Variants in CD101 observed in about 807,000 individuals in gnomAD.
CD101 encodes immunoglobulin superfamily member 2.
Under a neutral mutation model 98.2 loss-of-function variants are expected in CD101, and 76 were observed. The observed-to-expected ratio is 0.77, with a 90% confidence interval of 0.64 to 0.94. The LOEUF (loss-of-function observed/expected upper bound fraction) is 0.94, where lower values mean the gene tolerates loss of function less well. CD101 is among the 40% of genes least tolerant of loss of function. The pLI is 0.00. For synonymous variants in CD101, 471 were observed against 472.7 expected (o/e 1.00, Z 0.05); for missense variants, 1,145 against 1,218.8 (o/e 0.94, Z 0.90).
In CD101 at chr1:117,023,571, C is replaced by T. The variant is rs558735872; in HGVS notation, c.2428+1588C>T. On this transcript the variant is annotated intron_variant, in intron 7 of 9. Coordinates refer to ENST00000682167, the MANE Select transcript of CD101 (RefSeq NM_001256106.3). The surrounding 1 kb of genome is among the most constrained non-coding windows in gnomAD (Gnocchi z 4.4). ...AGCTGGGACTACAGGTGTGTGCCAC[C>T]ATGCCTGGCTAATTTTTGTAATTTT... Among the ~76,000 whole-genome samples, 13 of 152,154 alleles carry T rather than the reference C, an allele frequency of 8.5e-5. No homozygotes were observed. The highest frequency in any genetic ancestry group is 2.9e-4 in the African/African-American group (12 of 41,494).
At position 117,021,032 on chromosome 1, in the gene CD101, A is replaced by C. The variant is rs1653552343; in HGVS notation, c.2018-541A>C. Among the ~76,000 whole-genome samples the C allele has an allele frequency of 1.3e-5, 2 of 152,214 alleles. No homozygotes were observed. The highest frequency in any genetic ancestry group is 4.8e-5 in the African/African-American group (2 of 41,452). On this transcript the variant is annotated intron_variant, in intron 6 of 9. Coordinates refer to ENST00000682167, the MANE Select transcript of CD101 (RefSeq NM_001256106.3). The surrounding 1 kb of genome is among the most constrained non-coding windows in gnomAD (Gnocchi z 4.7). ...TGACTGCAAAGACACACACAGTTTT[A>C]ATCACTCATGTACAACTTCCTTTTG...
chr1:117,013,293 C>A, intron 3 of CD101, 113 bp from the exon 4 acceptor site: 1 of 1,286,912 alleles, frequency 7.8e-7, no homozygotes. Context: ...AATTGAACTC[C>A]CACATAAAAT....
rs927263915 is a variant in CD101, at chr1:117,019,521, A to G, written c.2017+961A>G. Among the ~76,000 whole-genome samples, 1 of 152,174 alleles carries G rather than the reference A, an allele frequency of 6.6e-6. No homozygotes were observed. Among genetic ancestry groups the G allele is most frequent in the Non-Finnish European group, 1.5e-5 (1 of 68,026 alleles). ...CTTCTTTTTTCCTTGGCACCATGAC[A>G]CAAGATTTTCATTTTCTCCTCCACT... is the stretch of plus-strand genomic sequence containing the variant. On this transcript the variant is annotated intron_variant, in intron 6 of 9. Transcript: ENST00000682167. This position sits in a 1 kb window ranked among gnomAD's most constrained non-coding sequence, Gnocchi z 4.3.
intron 6 of CD101, among the ~76,000 whole-genome samples, chr1:117,020,280 C>T (rs528503737): frequency 7.9e-5 from 12 of 152,138 alleles, no homozygotes; most frequent in Non-Finnish European, 1.2e-4. Context: ...TGTGGTGGCT[C>T]ACACCTGTAA....
intron 4 of CD101, among the ~76,000 whole-genome samples, 196 bp from the exon 5 acceptor site, chr1:117,016,894 C>T (rs1653252120): frequency 6.6e-6 from 1 of 152,138 alleles, no homozygotes. Flanking sequence ...ATACATCCTC[C>T]GATATTCTTT....
chr1:117,001,996 A>G, intron 1 of CD101, 136 bp downstream of exon 1: 1 of 808,270 alleles, frequency 1.2e-6, no homozygotes, highest in Non-Finnish European at 2.0e-6. Flanking sequence ...ATAATTTTTG[A>G]CTTACTAATG....
rs1349353756 is a variant in CD101 at position 117,033,730 on chromosome 1, GC to G, written c.2825-127del. On this transcript the variant is annotated intron_variant, in intron 8 of 9. Coordinates refer to ENST00000682167, the MANE Select transcript of CD101 (RefSeq NM_001256106.3). This position sits in a 1 kb window ranked among gnomAD's most constrained non-coding sequence, Gnocchi z 4.8. The stretch of plus-strand genomic sequence containing the variant: ...TCCTGTGCTCCTCATGATTTCAGGG[GC>G]CCACTGCTATTTGGCCCCATTATTT... 1.2e-5 allele frequency: 14 copies of G among 1,185,224 alleles called. No homozygotes were observed. Among genetic ancestry groups the G allele is most frequent in the Non-Finnish European group, 1.7e-5 (14 of 843,216 alleles). 73.4% of individuals were successfully genotyped at this position (1,185,224 alleles called of 1,614,324 possible).
chr1:117,034,802 T>C (rs139167491), intron 9 of CD101, among the ~76,000 whole-genome samples: 276 of 152,286 alleles, frequency 1.8e-3, no homozygotes, highest in African/African-American at 6.4e-3. Flanking sequence ...AAAAACTTTG[T>C]AAAAACTCAT....
rs1654632020 is a variant in CD101 at position 117,033,937 on chromosome 1, C to T, written c.2902C>T (p.Leu968Phe). Residue 968 changes from leucine to phenylalanine, a missense_variant, in exon 9 of 10, where the codon CTC becomes TTC. By Grantham distance (22) the Leu-to-Phe change is conservative. Coordinates refer to ENST00000682167, the MANE Select transcript of CD101 (RefSeq NM_001256106.3). The surrounding 1 kb of genome is among the most constrained non-coding windows in gnomAD (Gnocchi z 4.8). ...FLFICPFVLL[L>F]LLLISLLCLY... ...GTTCATCTGTCCCTTCGTCCTGCTC[C>T]TCCTTCTGCTCATCTCCCTCCTCTG... The T allele has an allele frequency of 6.2e-6, 10 of 1,614,200 alleles. No homozygotes were observed. The highest frequency in any genetic ancestry group is 8.5e-6 in the Non-Finnish European group (10 of 1,180,036).
In CD101 at chr1:117,021,991, T is replaced by C; in HGVS notation, c.2428+8T>C. On this transcript the variant is annotated splice_region_variant and intron_variant, in intron 7 of 9. Transcript: ENST00000682167. This position sits in a 1 kb window ranked among gnomAD's most constrained non-coding sequence, Gnocchi z 4.7. The stretch of plus-strand genomic sequence containing the variant: ...TGAAACTCAAGCCCACAGGTAAACC[T>C]TGCGAGTGTATCCTCACAATGTCTG... The C allele has an allele frequency of 6.3e-7, 1 of 1,593,988 alleles. No individual in the cohort carries two copies. The highest frequency in any genetic ancestry group is 8.5e-7 in the Non-Finnish European group (1 of 1,170,746).
At chr1:117,003,688 G>T (rs964882022) in intron 1 of CD101, among the ~76,000 whole-genome samples, 1 of 152,298 alleles carries the variant, frequency 6.6e-6, no homozygotes, top group Middle Eastern at 3.4e-3. Flanking sequence ...GGGAAGGAAA[G>T]TAGTAATCAA....
In CD101 at chr1:117,035,716, AT is replaced by A. The variant is rs1343292004; in HGVS notation, c.*34-443del. On this transcript the variant is annotated intron_variant, in intron 9 of 9. Coordinates refer to ENST00000682167, the MANE Select transcript of CD101 (RefSeq NM_001256106.3). ...AGGCACCCGCCACCATGCCTGGCTAATTTTTTTTTGTATTTTTAGTAGAGAC... is the reference window on the plus strand; with the variant it reads ...AGGCACCCGCCACCATGCCTGGCTAATTTTTTTTGTATTTTTAGTAGAGAC... Among the ~76,000 whole-genome samples the A allele has an allele frequency of 8.6e-5, 13 of 150,790 alleles. No individual in the cohort carries two copies. In the East Asian group the frequency reaches 2.3e-3, roughly 27 times the overall value.
At position 117,009,881 on chromosome 1, in the gene CD101, A is replaced by C. The variant is rs1250098980; in HGVS notation, c.75A>C (p.Thr25=). Residue 25 remains threonine, a synonymous_variant, in exon 2 of 10, where the codon ACA becomes ACC. Transcript: ENST00000682167. The stretch of plus-strand genomic sequence containing the variant: ...TCAGCATTGGCCAGAGAGAAGTAAC[A>C]GTTCAGAAAGGACCACTGTTTAGAG... ...TKLSIGQREV[T]VQKGPLFRAE... 1 of 1,607,568 alleles carries C rather than the reference A, an allele frequency of 6.2e-7. No individual in the cohort carries two copies. Among genetic ancestry groups the C allele is most frequent in the African/African-American group, 1.3e-5 (1 of 74,798 alleles).
rs138427841 is a variant in CD101, at chr1:117,033,513, C to T, written c.2825-347C>T. 2.6e-5 allele frequency among the ~76,000 whole-genome samples: 4 copies of T among 152,014 alleles called. No individual in the cohort carries two copies. The highest frequency in any genetic ancestry group is 2.1e-4 in the South Asian group (1 of 4,806). ...TCAGGACTGGCAACACTGTTGAGAA[C>T]GAGGGTTGAATTATAGATATCTTTT... On this transcript the variant is annotated intron_variant, in intron 8 of 9. Transcript: ENST00000682167. The surrounding 1 kb of genome is among the most constrained non-coding windows in gnomAD (Gnocchi z 4.8).
chr1:117,025,533 T>C lies in CD101; in HGVS notation c.2453T>C (p.Val818Ala), dbSNP rs1303374640. 1.9e-6 allele frequency: 3 copies of C among 1,578,394 alleles called. No individual in the cohort carries two copies. Among genetic ancestry groups the C allele is most frequent in the Admixed American group, 1.8e-5 (1 of 56,212 alleles). ...GGAAGTAAGGTACGTGTCTCCAAAG[T>C]GTACTGGACCGAAAATGTGACTGAG... ...PTGSKVRVSK[V>A]YWTENVTEHR... is the part of the protein sequence containing the mutation. Residue 818 changes from valine to alanine, a missense_variant, in exon 8 of 10, where the codon GTG becomes GCG. Physicochemically the swap from Val to Ala is moderately conservative, Grantham distance 64. Coordinates refer to ENST00000682167, the MANE Select transcript of CD101 (RefSeq NM_001256106.3).
intron 5 of CD101, among the ~76,000 whole-genome samples, chr1:117,017,727 G>A (rs1449696118): frequency 2.6e-5 from 4 of 152,200 alleles, no homozygotes; most frequent in Non-Finnish European, 4.4e-5. Flanking sequence ...GCTTATAGAC[G>A]AGTATAGCTG....
intron 9 of CD101, among the ~76,000 whole-genome samples, chr1:117,035,062 C>G (rs1654724024): frequency 6.6e-6 from 1 of 152,094 alleles, no homozygotes; most frequent in Non-Finnish European, 1.5e-5. Flanking sequence ...CTCAAGGTCT[C>G]CTATTCTCAG....
At position 117,012,748 on chromosome 1, in the gene CD101, C is replaced by CCTTTAT. The variant is rs1197564393; in HGVS notation, c.842-658_842-657insCTTTAT. Among the ~76,000 whole-genome samples, 1 of 152,120 alleles carries CCTTTAT rather than the reference C, an allele frequency of 6.6e-6. No individual in the cohort carries two copies. Among genetic ancestry groups the CCTTTAT allele is most frequent in the Non-Finnish European group, 1.5e-5 (1 of 68,028 alleles). ...TAATCTTTTGGCATTTTTGTCAAAG[C>CCTTTAT]AAGTATAAAGGCCTTGTCTGTGATT... On this transcript the variant is annotated intron_variant, in intron 3 of 9. Coordinates refer to ENST00000682167, the MANE Select transcript of CD101 (RefSeq NM_001256106.3). This position sits in a 1 kb window ranked among gnomAD's most constrained non-coding sequence, Gnocchi z 4.0.
intron 1 of CD101, among the ~76,000 whole-genome samples, chr1:117,008,017 T>A (rs1381308994): frequency 6.6e-6 from 1 of 152,216 alleles, no homozygotes; most frequent in Non-Finnish European, 1.5e-5. Flanking sequence ...CTGAAAAGTG[T>A]CTTAAACTGC....
Sources: allele counts gnomAD v4.1 joint callset (sites outside exome capture counted in the v4.1 genomes callset), GRCh38; gene constraint gnomAD v4.1.1; non-coding constraint Gnocchi (gnomAD v3.1); transcripts MANE v1.5; gene names NCBI Gene and HGNC (gene_info 2026-07-23, HGNC 2026-07-21).